Variants in EXOC1 observed in about 807,000 individuals in gnomAD.
EXOC1 encodes the protein SEC3-like 1.
EXOC1 carries 67 observed loss-of-function variants against 107.7 expected under a neutral mutation model. The observed-to-expected ratio is 0.62, with a 90% CI of 0.51 to 0.76. The LOEUF (loss-of-function observed/expected upper bound fraction) is 0.76. Ranked by LOEUF, EXOC1 falls within the 30% of genes least tolerant of loss-of-function variation. The pLI, the probability that EXOC1 is intolerant of heterozygous loss-of-function variation, is 0.00. For missense variants in EXOC1, 833 were observed against 1,055.7 expected (o/e 0.79, Z 2.92); for synonymous variants, 348 against 353.5 (o/e 0.98, Z 0.17).
At position 55,878,025 on chromosome 4, in the gene EXOC1, C is replaced by G. The variant is rs775956319; in HGVS notation, c.1183C>G (p.Leu395Val). 1 of 1,613,566 alleles carries G rather than the reference C, an allele frequency of 6.2e-7. No individual in the cohort carries two copies. The highest frequency in any genetic ancestry group is 2.2e-5 in the East Asian group (1 of 44,838). Residue 395 changes from leucine (L) to valine (V), a missense_variant, in exon 9 of 19, where the codon CTA becomes GTA. Leu to Val is a conservative substitution (Grantham distance 32). This residue lies in a region of EXOC1 where 617 missense variants were observed against 701.3 expected (regional missense o/e 0.88). Coordinates refer to ENST00000381295, the MANE Select transcript of EXOC1 (RefSeq NM_001024924.2). ...CCGATATGCCAAGCTGATGGAGTGG[C>G]TAAAGAGTACAGATTATGGAAAATA... ...LLRYAKLMEW[L>V]KSTDYGKYEG...
rs1359216833 is a variant in EXOC1 at position 55,899,773 on chromosome 4, A to T, written c.2226A>T (p.Arg742=). The T allele has an allele frequency of 1.9e-5, 31 of 1,613,678 alleles. No individual in the cohort carries two copies. The Admixed American group carries it at 5.0e-4, about 26-fold the overall frequency. ...ACCATATTTTTGCAACTCTTTCTCG[A>T]TTGAAAATCTCATGTCTAGAAGCAG... The part of the protein sequence containing the change: ...NFHHIFATLS[R]LKISCLEAEK... The change falls in exon 17 of 19, where the codon CGA becomes CGT. Residue 742 remains arginine, a synonymous_variant. Coordinates refer to ENST00000381295, the MANE Select transcript of EXOC1 (RefSeq NM_001024924.2).
In EXOC1 at chr4:55,872,154, C is replaced by T. The variant is rs572814292; in HGVS notation, c.1074+196C>T. Among the ~76,000 whole-genome samples the T allele has an allele frequency of 9.2e-5, 14 of 152,294 alleles. No homozygotes were observed. In the East Asian group the frequency reaches 2.5e-3, roughly 27 times the overall value. On this transcript the variant is annotated intron_variant, in intron 8 of 18. Coordinates refer to ENST00000381295, the MANE Select transcript of EXOC1 (RefSeq NM_001024924.2). Reference sequence around the variant, plus strand: ...GGCCTCAGCTGCCTCTTTTGGTAGACAGTCTAGTTCCTTTCAGCTGATGCT... The same window carrying T: ...GGCCTCAGCTGCCTCTTTTGGTAGATAGTCTAGTTCCTTTCAGCTGATGCT...
chr4:55,893,826 C>T (rs749898962), intron 15 of EXOC1, 46 bp downstream of exon 15: 1 of 1,416,092 alleles, frequency 7.1e-7, no homozygotes, highest in Non-Finnish European at 9.8e-7. Context: ...CTAGTCATTG[C>T]AAAATATAGG....
chr4:55,875,360 AT>A (rs970262008), intron 8 of EXOC1: 3,839 of 756,434 alleles, frequency 5.1e-3, no homozygotes, highest in Middle Eastern at 6.2e-3. Flanking sequence ...CTTTGCTCAG[AT>A]TTTTTTTTTA....
Position 55,893,663 on chromosome 4 carries a change from G to A in EXOC1, c.1836G>A (p.Met612Ile). 6.2e-7 allele frequency: 1 copy of A among 1,614,072 alleles called. No individual in the cohort carries two copies. Among genetic ancestry groups the A allele is most frequent in the Non-Finnish European group, 8.5e-7 (1 of 1,179,994 alleles). ...DKIDSFNSLY[M>I]LVKMSHHVWT... is the part of the protein sequence containing the mutation. Reference sequence around the variant, plus strand: ...TTGATAGCTTTAACTCTCTTTATATGTTAGTCAAAATGAGTCATCATGTGT... The same window carrying A: ...TTGATAGCTTTAACTCTCTTTATATATTAGTCAAAATGAGTCATCATGTGT... Residue 612 changes from methionine to isoleucine, a missense_variant, in exon 15 of 19, where the codon ATG becomes ATA. Coordinates refer to ENST00000381295, the MANE Select transcript of EXOC1 (RefSeq NM_001024924.2).
intron 2 of EXOC1, among the ~76,000 whole-genome samples, chr4:55,859,516 T>C (rs1421881101): frequency 6.6e-6 from 1 of 152,126 alleles, no homozygotes; most frequent in Non-Finnish European, 1.5e-5. Context: ...TTAATTCTAA[T>C]TATATGTAGA....
chr4:55,887,034 A>AT, intron 10 of EXOC1, among the ~76,000 whole-genome samples: 1 of 152,172 alleles, frequency 6.6e-6, no homozygotes, highest in South Asian at 2.1e-4. Context: ...AAGGCATGGA[A>AT]TTTTTTCCCA....
rs1204311866 is a variant in EXOC1, at chr4:55,899,711, AAGACCCCC to A, written c.2167_2174del (p.Thr723GlyfsTer51). The A allele has an allele frequency of 6.2e-7, 1 of 1,612,188 alleles. No individual in the cohort carries two copies. The highest frequency in any genetic ancestry group is 1.3e-5 in the African/African-American group (1 of 74,910). ...GGAGAAAGTAGCAAATGAAAGCCAGAAGACCCCCAGGGATGTGGTTATGATGGAAAACT... is the reference window on the plus strand; with the variant it reads ...GGAGAAAGTAGCAAATGAAAGCCAGAAGGGATGTGGTTATGATGGAAAACT... On this transcript the variant is annotated frameshift_variant, in exon 17 of 19. Coordinates refer to ENST00000381295, the MANE Select transcript of EXOC1 (RefSeq NM_001024924.2). LOFTEE classifies it high-confidence loss of function.
chr4:55,903,109 A>G (rs1329824131), intron 18 of EXOC1, among the ~76,000 whole-genome samples: 1 of 150,320 alleles, frequency 6.7e-6, no homozygotes, highest in Non-Finnish European at 1.5e-5. Context: ...CTACCACTGC[A>G]CTCCAGCCTA....
intron 16 of EXOC1, among the ~76,000 whole-genome samples, chr4:55,897,841 C>T (rs1412212046): frequency 5.3e-5 from 8 of 152,178 alleles, no homozygotes; most frequent in Non-Finnish European, 1.0e-4. Context: ...GTCTCAAACT[C>T]TTGACCTCAA....
At chr4:55,868,775 G>A in intron 5 of EXOC1, 1 of 324,208 alleles carries the variant, frequency 3.1e-6, no homozygotes, top group Admixed American at 4.7e-5. Flanking sequence ...AGTGACTGGA[G>A]TAAAAACTAG....
chr4:55,855,401 T>C (rs140974111), intron 1 of EXOC1, among the ~76,000 whole-genome samples: 223 of 152,238 alleles, frequency 1.5e-3, no homozygotes, highest in African/African-American at 5.1e-3. Flanking sequence ...ACCTGGACAT[T>C]TGCTTATAGA....
chr4:55,891,330 C>G lies in EXOC1; in HGVS notation c.1555C>G (p.Leu519Val). Residue 519 changes from leucine to valine, a missense_variant, in exon 13 of 19, where the codon CTA (leucine) becomes GTA (valine). Leu to Val is a conservative substitution (Grantham distance 32). Transcript: ENST00000381295. Reference sequence around the variant, plus strand: ...TTTTCTTCAGATCTTTGAACAGGTACTAAGTGAACTGGAGCCCCTATGTCT... The same window carrying G: ...TTTTCTTCAGATCTTTGAACAGGTAGTAAGTGAACTGGAGCCCCTATGTCT... ...TKFDKIFEQV[L>V]SELEPLCLAE... 6.2e-7 allele frequency: 1 copy of G among 1,613,426 alleles called. No individual in the cohort carries two copies. Among genetic ancestry groups the G allele is most frequent in the South Asian group, 1.1e-5 (1 of 91,060 alleles).
chr4:55,893,146 C>T (rs997446366), intron 14 of EXOC1, among the ~76,000 whole-genome samples: 22 of 152,074 alleles, frequency 1.4e-4, no homozygotes, highest in Middle Eastern at 3.2e-3. Flanking sequence ...GATGGAGTCT[C>T]CCTCTGCTGC....
In EXOC1 at chr4:55,858,093, C is replaced by T. The variant is rs537203104; in HGVS notation, c.-10-221C>T. On this transcript the variant is annotated intron_variant, in intron 1 of 18. Coordinates refer to ENST00000381295, the MANE Select transcript of EXOC1 (RefSeq NM_001024924.2). ...CTTAAATCTTGTGTGTGTGTGTATA[C>T]TTGGTGAGCATTTCCAAACATTTTA... Among the ~76,000 whole-genome samples, 4 of 152,162 alleles carry T rather than the reference C, an allele frequency of 2.6e-5. No homozygotes were observed. The South Asian group carries it at 6.2e-4, about 24-fold the overall frequency.
At chr4:55,862,183 T>C (rs965470933) in intron 3 of EXOC1, among the ~76,000 whole-genome samples, 21 of 152,254 alleles carry the variant, frequency 1.4e-4, no homozygotes, top group Non-Finnish European at 3.1e-4. Flanking sequence ...ACTGCACCTT[T>C]ATTAAAAAAC....
chr4:55,862,702 C>T (rs930380898), intron 3 of EXOC1, among the ~76,000 whole-genome samples: 22 of 152,130 alleles, frequency 1.4e-4, no homozygotes, highest in African/African-American at 5.1e-4. Flanking sequence ...AGTCCTGATT[C>T]CTGAGATACT....
chr4:55,856,070 T>C (rs954817649), intron 1 of EXOC1, among the ~76,000 whole-genome samples: 1 of 152,120 alleles, frequency 6.6e-6, no homozygotes, highest in Non-Finnish European at 1.5e-5. Context: ...ACAACAATAG[T>C]CATGGGGAAC....
Position 55,899,898 on chromosome 4 carries a change from C to T in EXOC1, c.2337+14C>T, listed in dbSNP as rs1174887509. On this transcript the variant is annotated intron_variant, in intron 17 of 18. Coordinates refer to ENST00000381295, the MANE Select transcript of EXOC1 (RefSeq NM_001024924.2). ...GAAAAACTAAATGTAAATATATTTT[C>T]ATTCAGTATTTTTCCTACTTTTGAA... is the stretch of plus-strand genomic sequence containing the variant. 9 of 1,594,016 alleles carry T rather than the reference C, an allele frequency of 5.6e-6. No individual in the cohort carries two copies. Among genetic ancestry groups the T allele is most frequent in the Non-Finnish European group, 7.7e-6 (9 of 1,169,506 alleles).
Sources: gnomAD v4.1 joint callset for allele counts (sites outside exome capture counted in the v4.1 genomes callset) on GRCh38, gnomAD v4.1.1 for gene constraint, gnomAD v4.1.1 regional missense constraint, MANE v1.5 for transcripts, NCBI Gene and HGNC (gene_info 2026-07-23, HGNC 2026-07-21) for gene names.